Variants in MCC observed in about 807,000 individuals in gnomAD.
The protein encoded by MCC is MCC regulator of Wnt signaling pathway.
A neutral mutation model predicts 116.2 loss-of-function variants in MCC; 90 were observed. The ratio of observed to expected loss-of-function variants is 0.77; its 90% CI spans 0.65 to 0.92. The LOEUF is 0.92. Ranked by LOEUF, MCC falls within the 40% of genes least tolerant of loss-of-function variation. The pLI, the probability that MCC is intolerant of heterozygous loss-of-function variation, is 0.00. For synonymous variants in MCC, 578 were observed against 510.5 expected, an observed-to-expected ratio of 1.13 and a Z score of -1.78; for missense variants, 1,516 against 1,312.2, an observed-to-expected ratio of 1.16 and a Z score of -2.40.
intron 2 of MCC, among the ~76,000 whole-genome samples, chr5:113,348,192 A>G (rs1294183332): frequency 6.6e-6 from 1 of 152,100 alleles, no homozygotes; most frequent in African/African-American, 2.4e-5. Flanking sequence ...ATTGGACTTA[A>G]TCTGCATAAT....
intron 5 of MCC, among the ~76,000 whole-genome samples, chr5:113,123,363 A>G (rs1486659021): frequency 6.6e-6 from 1 of 152,228 alleles, no homozygotes; most frequent in Non-Finnish European, 1.5e-5. Flanking sequence ...CAGCATGTAT[A>G]AGAAAGACTA....
chr5:113,344,950 C>A (rs902700366), intron 2 of MCC, among the ~76,000 whole-genome samples: 63 of 152,116 alleles, frequency 4.1e-4, no homozygotes, highest in African/African-American at 1.5e-3. Context: ...CCGCAGGTAC[C>A]AGCTCAGCCA....
At chr5:113,308,831 G>A (rs1277771301) in intron 3 of MCC, among the ~76,000 whole-genome samples, 3 of 150,704 alleles carry the variant, frequency 2.0e-5, no homozygotes, top group Non-Finnish European at 3.0e-5. Context: ...GAAAGAAAGA[G>A]AGAGACAGAA....
intron 2 of MCC, among the ~76,000 whole-genome samples, chr5:113,383,520 C>T (rs753465905): frequency 7.2e-5 from 11 of 152,036 alleles, no homozygotes; most frequent in Non-Finnish European, 1.5e-4. Context: ...AAATCACACA[C>T]ATGACGAGAG....
At chr5:113,087,129 C>G (rs1376617943) in intron 8 of MCC, among the ~76,000 whole-genome samples, 1 of 152,234 alleles carries the variant, frequency 6.6e-6, no homozygotes, top group African/African-American at 2.4e-5. Flanking sequence ...ATGGCCCCTT[C>G]TCTAAAAGGC....
intron 3 of MCC, among the ~76,000 whole-genome samples, chr5:113,246,338 A>G (rs1028987093): frequency 6.6e-6 from 1 of 152,234 alleles, no homozygotes; most frequent in Non-Finnish European, 1.5e-5. Context: ...CATCTTTTTT[A>G]AAGCAATTTC....
At chr5:113,290,104 C>A (rs1337562880) in intron 3 of MCC, among the ~76,000 whole-genome samples, 2 of 152,180 alleles carry the variant, frequency 1.3e-5, no homozygotes, top group African/African-American at 4.8e-5. Flanking sequence ...AGGTAGAGAA[C>A]AACTTTCTTC....
intron 3 of MCC, among the ~76,000 whole-genome samples, chr5:113,306,407 A>G (rs1455009003): frequency 6.6e-6 from 1 of 152,204 alleles, no homozygotes; most frequent in African/African-American, 2.4e-5. Context: ...ATTTCTCTAC[A>G]TCTTTGCCAA....
Position 113,448,369 on chromosome 5 carries a change from CA to C in MCC, c.170+39875del, listed in dbSNP as rs559527260. 2.0e-3 allele frequency: 299 copies of C among 152,212 alleles called. 1 individual carries two copies. The highest frequency in any genetic ancestry group is 6.9e-3 in the African/African-American group (288 of 41,488). 9.4% of individuals were successfully genotyped at this position (152,212 alleles called of 1,614,324 possible). ...TCTGAAAATATCGTGCTTCCAGACA[CA>C]ACTGGCTTCACATCAGAAAAACCTT... On this transcript the variant is annotated intron_variant, in intron 1 of 18. Coordinates refer to ENST00000408903, the MANE Select transcript of MCC (RefSeq NM_001085377.2).
At chr5:113,401,391 A>G (rs1769682800) in intron 1 of MCC, among the ~76,000 whole-genome samples, 1 of 152,220 alleles carries the variant, frequency 6.6e-6, no homozygotes, top group Admixed American at 6.5e-5. Flanking sequence ...AGTGCTACTC[A>G]ATAGAATAAC....
chr5:113,086,829 A>T (rs1755229896), intron 8 of MCC, among the ~76,000 whole-genome samples: 1 of 152,194 alleles, frequency 6.6e-6, no homozygotes, highest in South Asian at 2.1e-4. Flanking sequence ...CTTTCTAAAC[A>T]GAATGTGTAC....
chr5:113,258,091 TGAGA>T (rs1290490091), intron 3 of MCC, among the ~76,000 whole-genome samples: 2 of 152,094 alleles, frequency 1.3e-5, no homozygotes, highest in Non-Finnish European at 2.9e-5. Context: ...ACATTGTGAA[TGAGA>T]GAGAGCTTCC....
At chr5:113,454,256 C>G (rs1157822944) in intron 1 of MCC, among the ~76,000 whole-genome samples, 1 of 152,174 alleles carries the variant, frequency 6.6e-6, no homozygotes, top group Admixed American at 6.5e-5. Context: ...AGGCATTTGC[C>G]ACCACATCTG....
intron 1 of MCC, among the ~76,000 whole-genome samples, chr5:113,416,351 TG>T (rs1770147694): frequency 6.6e-6 from 1 of 152,068 alleles, no homozygotes; most frequent in Admixed American, 6.6e-5. Flanking sequence ...CACAGGAGTT[TG>T]AGGTTGTAGT....
chr5:113,226,761 G>C (rs377279838), intron 3 of MCC, among the ~76,000 whole-genome samples: 1 of 152,116 alleles, frequency 6.6e-6, no homozygotes, highest in Non-Finnish European at 1.5e-5. Flanking sequence ...GGTAATTTTA[G>C]TGTTTAAAAT....
intron 3 of MCC, among the ~76,000 whole-genome samples, chr5:113,193,399 T>C (rs902560481): frequency 2.6e-5 from 4 of 152,184 alleles, no homozygotes; most frequent in Admixed American, 1.3e-4. Context: ...GATGTTCTTA[T>C]TATATTAAGC....
intron 18 of MCC, among the ~76,000 whole-genome samples, chr5:113,027,738 A>C (rs2150205097): frequency 6.6e-6 from 1 of 152,308 alleles, no homozygotes; most frequent in African/African-American, 2.4e-5. Context: ...CTCACATATT[A>C]GAAGGGGTTC....
At chr5:113,122,055 T>C (rs1757763557) in intron 6 of MCC, among the ~76,000 whole-genome samples, 1 of 152,244 alleles carries the variant, frequency 6.6e-6, no homozygotes, top group Non-Finnish European at 1.5e-5. Flanking sequence ...GTCACTTGCT[T>C]TCCTATTAGC....
At chr5:113,132,247 C>T (rs994173259) in intron 5 of MCC, among the ~76,000 whole-genome samples, 1 of 151,238 alleles carries the variant, frequency 6.6e-6, no homozygotes, top group Non-Finnish European at 1.5e-5. Flanking sequence ...AGTTCAATGA[C>T]AAACCCACCT....
Sources: gnomAD v4.1 joint callset for allele counts (sites outside exome capture counted in the v4.1 genomes callset) on GRCh38, gnomAD v4.1.1 for gene constraint, MANE v1.5 for transcripts, NCBI Gene and HGNC (gene_info 2026-07-23, HGNC 2026-07-21) for gene names.